Variants in IP6K3 observed in about 807,000 individuals in gnomAD.
The protein encoded by IP6K3 is ATP:1D-myo-inositol-hexakisphosphate phosphotransferase.
IP6K3 carries 20 observed loss-of-function variants against 28.8 expected under a neutral mutation model. The observed-to-expected ratio is 0.70, with a 90% CI of 0.49 to 1.01. IP6K3 has a LOEUF of 1.01. Ranked by LOEUF, IP6K3 falls within the 50% of genes least tolerant of loss-of-function variation. The pLI, the probability that IP6K3 is intolerant of heterozygous loss-of-function variation, is 0.00. For missense variants in IP6K3, 480 were observed against 537.1 expected (o/e 0.89, Z 1.05); for synonymous variants, 213 against 221.3 (o/e 0.96, Z 0.33).
chr6:33,760,662 G>A, the IP6K3 span, among the ~76,000 whole-genome samples: 1 of 152,158 alleles, frequency 6.6e-6, no homozygotes, highest in African/African-American at 2.4e-5. Context: ...CAAGTAGCTG[G>A]GACTACAGGT....
chr6:33,749,632 C>T (rs1766993635), upstream of IP6K3, among the ~76,000 whole-genome samples: 2 of 150,112 alleles, frequency 1.3e-5, no homozygotes, highest in Non-Finnish European at 3.0e-5. Context: ...CCTCTGCAGG[C>T]CGTGTGTGTG....
intron 2 of IP6K3, among the ~76,000 whole-genome samples, chr6:33,734,901 G>A (rs1012088669): frequency 6.6e-6 from 1 of 152,226 alleles, no homozygotes; most frequent in Non-Finnish European, 1.5e-5. Flanking sequence ...CTTTCAGAGG[G>A]AGGTTAAGGA....
chr6:33,761,377 AC>A, the IP6K3 span, among the ~76,000 whole-genome samples: 1 of 150,890 alleles, frequency 6.6e-6, no homozygotes, highest in African/African-American at 2.4e-5. Context: ...GGAAAGATCC[AC>A]CCCCACTCCT....
At chr6:33,756,450 T>G in the IP6K3 span, among the ~76,000 whole-genome samples, 2 of 150,362 alleles carry the variant, frequency 1.3e-5, no homozygotes, top group Non-Finnish European at 3.0e-5. Flanking sequence ...GGGAGAGAGG[T>G]AGAGAAGAGG....
rs772548522 is a variant in IP6K3, at chr6:33,726,862, G to A, written c.458C>T (p.Pro153Leu). 13 of 1,612,614 alleles carry A rather than the reference G, an allele frequency of 8.1e-6. No homozygotes were observed. The South Asian group carries it at 1.2e-4, about 15-fold the overall frequency. Residue 153 changes from proline to leucine, a missense_variant, in exon 4 of 6, where the codon CCA (proline) becomes CTA (leucine). Transcript: ENST00000293756. Reference protein sequence around the residue: ...LLRSEPHLNTPAFSLVEDTNG... With the variant: ...LLRSEPHLNTLAFSLVEDTNG... The stretch of plus-strand genomic sequence containing the variant: ...GGTGTCTTCCACCAGCGAGAAGGCT[G>A]GAGTGTTGAGGTGGGGCTCGGACCT...
intron 2 of IP6K3, among the ~76,000 whole-genome samples, chr6:33,731,681 C>T (rs759845902): frequency 2.6e-5 from 4 of 152,070 alleles, no homozygotes; most frequent in Non-Finnish European, 5.9e-5. Flanking sequence ...TAGATAGCCC[C>T]CTTAAAAACA....
chr6:33,745,026 G>A (rs931185178), intron 1 of IP6K3, among the ~76,000 whole-genome samples: 3 of 152,330 alleles, frequency 2.0e-5, no homozygotes, highest in African/African-American at 7.2e-5. Flanking sequence ...TGCCAGCTGG[G>A]CCTCCCAGCC....
chr6:33,757,008 A>C, the IP6K3 span, among the ~76,000 whole-genome samples: 1 of 152,220 alleles, frequency 6.6e-6, no homozygotes, highest in South Asian at 2.1e-4. Flanking sequence ...TCTTCACTGC[A>C]CTGCTGCTCG....
the IP6K3 span, among the ~76,000 whole-genome samples, chr6:33,754,196 C>T: frequency 2.6e-5 from 4 of 151,978 alleles, no homozygotes; most frequent in East Asian, 5.8e-4. Flanking sequence ...CCAGCTGGGC[C>T]GGGGGAGAGC....
At chr6:33,748,770 G>A (rs146189951), upstream of IP6K3, among the ~76,000 whole-genome samples, 1 of 151,612 alleles carries the variant, frequency 6.6e-6, no homozygotes, top group Non-Finnish European at 1.5e-5. Flanking sequence ...GTGGATGGAC[G>A]TGGGCCTCCC....
chr6:33,747,914 G>A (rs1766957320), upstream of IP6K3, among the ~76,000 whole-genome samples: 1 of 152,070 alleles, frequency 6.6e-6, no homozygotes, highest in Non-Finnish European at 1.5e-5. The surrounding 1 kb of genome is among the most constrained non-coding windows in gnomAD (Gnocchi z 5.2). Flanking sequence ...AGGAGACGGC[G>A]AGTTCCTGAG....
rs777243370 is a variant in IP6K3 at position 33,735,364 on chromosome 6, G to A, written c.113C>T (p.Thr38Met). 21 of 1,606,150 alleles carry A rather than the reference G, an allele frequency of 1.3e-5. No homozygotes were observed. In the East Asian group the frequency reaches 2.0e-4, roughly 15 times the overall value. The part of the protein sequence containing the change: ...HMSVMKYDEH[T>M]VCKPLVSREQ... ...CCGGGAGACGAGGGGCTTGCACACC[G>A]TATGCTCGTCATACTTCATCACGCT... is the stretch of plus-strand genomic sequence containing the variant. Residue 38 changes from threonine to methionine, a missense_variant, in exon 2 of 6, where the codon ACG (threonine) becomes ATG (methionine). Transcript: ENST00000293756.
the IP6K3 span, among the ~76,000 whole-genome samples, chr6:33,761,396 C>T: frequency 7.9e-5 from 12 of 152,120 alleles, no homozygotes; most frequent in East Asian, 7.7e-4. Context: ...CCTGAGGGGC[C>T]GGGGCTGGCC....
chr6:33,745,231 G>C (rs1279168731), intron 1 of IP6K3, among the ~76,000 whole-genome samples: 2 of 152,218 alleles, frequency 1.3e-5, no homozygotes, highest in Non-Finnish European at 2.9e-5. Context: ...GTTTCTGCCT[G>C]GGAAGGATTT....
In IP6K3 at chr6:33,733,372, G is replaced by A. The variant is rs772576196; in HGVS notation, c.199+1906C>T. ...AGAGATCAGTGCTCAAGGGCACTGAGAGTGGGGCCCTCCTACCCACACTGG... is the reference window on the plus strand; with the variant it reads ...AGAGATCAGTGCTCAAGGGCACTGAAAGTGGGGCCCTCCTACCCACACTGG... On this transcript the variant is annotated intron_variant, in intron 2 of 5. Coordinates refer to ENST00000293756, the MANE Select transcript of IP6K3 (RefSeq NM_054111.5). Among the ~76,000 whole-genome samples, 9 of 152,258 alleles carry A rather than the reference G, an allele frequency of 5.9e-5. No homozygotes were observed. In the East Asian group the frequency reaches 1.7e-3, roughly 29 times the overall value.
intron 4 of IP6K3, among the ~76,000 whole-genome samples, chr6:33,726,113 T>C (rs933696044): frequency 2.0e-5 from 3 of 152,226 alleles, no homozygotes; most frequent in Admixed American, 2.0e-4. Context: ...TGGTAAATAC[T>C]ATGAAACCAG....
upstream of IP6K3, among the ~76,000 whole-genome samples, chr6:33,748,625 C>A (rs1489652023): frequency 8.4e-6 from 1 of 119,036 alleles, no homozygotes; most frequent in Non-Finnish European, 1.6e-5. Flanking sequence ...CTGGGCGACA[C>A]AGAGAGACCC....
At chr6:33,753,368 G>A in the IP6K3 span, among the ~76,000 whole-genome samples, 1 of 152,206 alleles carries the variant, frequency 6.6e-6, no homozygotes, top group Non-Finnish European at 1.5e-5. Context: ...CAAGAGACAC[G>A]TAAATTGCTG....
At chr6:33,751,483 C>CGTGTGTGT (rs762389623), upstream of IP6K3, among the ~76,000 whole-genome samples, 40 of 61,594 alleles carry the variant, frequency 6.5e-4, no homozygotes, top group African/African-American at 7.8e-4. This position sits in a 1 kb window ranked among gnomAD's most constrained non-coding sequence, Gnocchi z 4.3. Flanking sequence ...CTCTGCAGGC[C>CGTGTGTGT]GTGTGTGTGT....
Sources: allele counts gnomAD v4.1 joint callset (sites outside exome capture counted in the v4.1 genomes callset), GRCh38; gene constraint gnomAD v4.1.1; non-coding constraint Gnocchi (gnomAD v3.1); transcripts MANE v1.5; gene names NCBI Gene and HGNC (gene_info 2026-07-23, HGNC 2026-07-21).